Variants in ZNF804A observed in about 807,000 individuals in gnomAD.
The protein encoded by ZNF804A is zinc finger protein 804A.
Under a neutral mutation model 16.5 loss-of-function variants are expected in ZNF804A, and 2 were observed. The ratio of observed to expected loss-of-function variants is 0.12; its 90% CI spans 0.05 to 0.38. ZNF804A has a LOEUF of 0.38. ZNF804A is among the 10% of genes least tolerant of loss of function. The pLI, the probability that ZNF804A is intolerant of heterozygous loss-of-function variation, is 0.99. For missense variants in ZNF804A, 1,473 were observed against 1,390.7 expected (o/e 1.06, Z -0.94); for synonymous variants, 534 against 489.6 (o/e 1.09, Z -1.20).
At chr2:184,907,546 T>C (rs941557986) in intron 2 of ZNF804A, among the ~76,000 whole-genome samples, 7 of 152,150 alleles carry the variant, frequency 4.6e-5, no homozygotes, top group African/African-American at 1.7e-4. Flanking sequence ...TTCGCCTCTG[T>C]AGCACCTTTA....
At chr2:184,622,055 A>G (rs1331073022) in intron 1 of ZNF804A, among the ~76,000 whole-genome samples, 1 of 151,784 alleles carries the variant, frequency 6.6e-6, no homozygotes, top group Non-Finnish European at 1.5e-5. Context: ...TCCTAACGGA[A>G]CGCTATTTGG....
At chr2:184,759,368 C>A (rs1017635068) in intron 1 of ZNF804A, among the ~76,000 whole-genome samples, 8 of 151,474 alleles carry the variant, frequency 5.3e-5, no homozygotes, top group African/African-American at 1.9e-4. Flanking sequence ...AATATTAATT[C>A]TATAGTTTTT....
chr2:184,824,143 T>C (rs543912209), intron 1 of ZNF804A, among the ~76,000 whole-genome samples: 3 of 152,258 alleles, frequency 2.0e-5, no homozygotes, highest in Admixed American at 6.6e-5. Flanking sequence ...TCTAGTAGCC[T>C]ATAACTCAGG....
chr2:184,694,831 A>C (rs1692796358), intron 1 of ZNF804A, among the ~76,000 whole-genome samples: 1 of 152,198 alleles, frequency 6.6e-6, no homozygotes, highest in Admixed American at 6.5e-5. Context: ...GAAGTGAAGA[A>C]AAGTTAGGGC....
At chr2:184,903,358 AGT>A (rs531801566) in intron 2 of ZNF804A, among the ~76,000 whole-genome samples, 3 of 152,130 alleles carry the variant, frequency 2.0e-5, no homozygotes, top group Non-Finnish European at 4.4e-5. Context: ...TCTATGTTTA[AGT>A]ATGTTTAAAT....
At chr2:184,655,895 T>C (rs112962100) in intron 1 of ZNF804A, among the ~76,000 whole-genome samples, 2 of 152,088 alleles carry the variant, frequency 1.3e-5, no homozygotes, top group African/African-American at 4.8e-5. Context: ...TGAAATTTTT[T>C]TATGTGAATG....
intron 1 of ZNF804A, among the ~76,000 whole-genome samples, chr2:184,739,190 TC>T (rs1693676942): frequency 6.6e-6 from 1 of 152,148 alleles, no homozygotes; most frequent in African/African-American, 2.4e-5. Context: ...TTACATTTGA[TC>T]CCTAATTGCA....
intron 1 of ZNF804A, among the ~76,000 whole-genome samples, chr2:184,732,265 A>G (rs1218685601): frequency 1.4e-5 from 2 of 146,816 alleles, no homozygotes; most frequent in South Asian, 2.1e-4. Context: ...TTTTTTTTGC[A>G]TGTCAATATC....
intron 1 of ZNF804A, among the ~76,000 whole-genome samples, chr2:184,661,419 T>C (rs1692174432): frequency 6.6e-6 from 1 of 152,176 alleles, no homozygotes; most frequent in Non-Finnish European, 1.5e-5. Flanking sequence ...CCAAAAGGAA[T>C]AAGCTATGCA....
chr2:184,879,437 C>G (rs1684771303), intron 2 of ZNF804A, among the ~76,000 whole-genome samples: 1 of 151,870 alleles, frequency 6.6e-6, no homozygotes, highest in Non-Finnish European at 1.5e-5. Flanking sequence ...TATTGTATCA[C>G]TCTTATCAAA....
At chr2:184,833,297 A>G (rs959034192) in intron 1 of ZNF804A, among the ~76,000 whole-genome samples, 3 of 151,890 alleles carry the variant, frequency 2.0e-5, no homozygotes, top group African/African-American at 4.8e-5. Flanking sequence ...CTTATTTTCT[A>G]TTAGGTTCCT....
At chr2:184,889,659 T>C (rs1342445985) in intron 2 of ZNF804A, among the ~76,000 whole-genome samples, 5 of 151,848 alleles carry the variant, frequency 3.3e-5, no homozygotes, top group Admixed American at 6.6e-5. Context: ...TTATTGAATA[T>C]TAAAGCTGCC....
intron 1 of ZNF804A, among the ~76,000 whole-genome samples, chr2:184,840,844 CT>C (rs1341076733): frequency 1.2e-4 from 18 of 152,010 alleles, no homozygotes; most frequent in African/African-American, 4.3e-4. Flanking sequence ...CTTCTCTGAC[CT>C]TGTATCTACT....
chr2:184,855,055 C>A (rs938048351), intron 1 of ZNF804A, among the ~76,000 whole-genome samples: 4 of 152,034 alleles, frequency 2.6e-5, no homozygotes, highest in African/African-American at 9.7e-5. Context: ...GCCAAGTCTA[C>A]AGACTGTAAT....
chr2:184,690,845 T>C (rs1363090876), intron 1 of ZNF804A, among the ~76,000 whole-genome samples: 2 of 152,070 alleles, frequency 1.3e-5, no homozygotes, highest in South Asian at 2.1e-4. Flanking sequence ...TATTTACTTA[T>C]ATAACTATAC....
At chr2:184,611,074 G>A (rs1050408267) in intron 1 of ZNF804A, among the ~76,000 whole-genome samples, 1 of 152,054 alleles carries the variant, frequency 6.6e-6, no homozygotes. Flanking sequence ...CAAGATTAAG[G>A]TGCCAATTTG....
intron 1 of ZNF804A, among the ~76,000 whole-genome samples, chr2:184,640,354 C>CT (rs199826711): frequency 1.6e-4 from 24 of 151,512 alleles, no homozygotes; most frequent in Admixed American, 4.0e-4. Flanking sequence ...CTTAGAGTTT[C>CT]TTTTTTTTCA....
chr2:184,785,935 C>A (rs1694442036), intron 1 of ZNF804A, among the ~76,000 whole-genome samples: 1 of 151,970 alleles, frequency 6.6e-6, no homozygotes, highest in Non-Finnish European at 1.5e-5. Context: ...ATGCAGCCAG[C>A]AGAATCTGGG....
intron 1 of ZNF804A, among the ~76,000 whole-genome samples, chr2:184,845,075 T>G (rs2105801481): frequency 6.6e-6 from 1 of 152,168 alleles, no homozygotes; most frequent in African/African-American, 2.4e-5. Flanking sequence ...TTCTTAGCAT[T>G]CCTGTCTCTT....
Sources: gnomAD v4.1 joint callset for allele counts (sites outside exome capture counted in the v4.1 genomes callset) on GRCh38, gnomAD v4.1.1 for gene constraint, MANE v1.5 for transcripts, NCBI Gene and HGNC (gene_info 2026-07-23, HGNC 2026-07-21) for gene names.